Variants in IGFBP3 observed in about 807,000 individuals in gnomAD.
The protein encoded by IGFBP3 is insulin like growth factor binding protein 3, also known as insulin-like growth factor-binding protein 3.
A neutral mutation model predicts 28.6 loss-of-function variants in IGFBP3; 9 were observed. The ratio of observed to expected loss-of-function variants is 0.31; its 90% CI spans 0.19 to 0.55. The LOEUF is 0.55. IGFBP3 is among the 20% of genes least tolerant of loss of function. The probability of loss-of-function intolerance (pLI) is 0.93; values close to 1 mark genes in which losing one functional copy is unlikely to be tolerated. For missense variants in IGFBP3, 382 were observed against 428.9 expected, an observed-to-expected ratio of 0.89 and a Z score of 0.97; for synonymous variants, 185 against 188.2, an observed-to-expected ratio of 0.98 and a Z score of 0.14.
Position 45,913,170 on chromosome 7 carries a change from A to G in IGFBP3, c.*680T>C, listed in dbSNP as rs1172067406. The G allele has an allele frequency of 1.3e-5, 2 of 152,128 alleles. No homozygotes were observed. The highest frequency in any genetic ancestry group is 2.9e-5 in the Non-Finnish European group (2 of 68,034). The allele number at this position is 152,128 out of a possible 1,614,324, so 9.4% of individuals were successfully genotyped here. On this transcript the variant is annotated 3_prime_UTR_variant, in exon 5 of 5. Coordinates refer to ENST00000613132, the MANE Select transcript of IGFBP3 (RefSeq NM_000598.5). Reference sequence around the variant, plus strand: ...GTCTTCAGGAAGATTCCTGAAGAGGAGGGCCCGAAATACCTGCCTTTATAG... The same window carrying G: ...GTCTTCAGGAAGATTCCTGAAGAGGGGGGCCCGAAATACCTGCCTTTATAG...
At position 45,920,729 on chromosome 7, in the gene IGFBP3, G is replaced by A; in HGVS notation, c.403+9C>T. The A allele has an allele frequency of 7.2e-7, 1 of 1,394,404 alleles. No homozygotes were observed. The highest frequency in any genetic ancestry group is 3.1e-5 in the East Asian group (1 of 32,616). 86.4% of individuals were successfully genotyped at this position (1,394,404 alleles called of 1,614,324 possible). A position where few individuals can be genotyped will look rare whatever the true frequency, so the allele number is the denominator to read the frequency against. ...GCTGCACGCAGCGCACCTGGCGCGGGCGGCTCACCTGGAGCTGGCGGCGCT... is the reference window on the plus strand; with the variant it reads ...GCTGCACGCAGCGCACCTGGCGCGGACGGCTCACCTGGAGCTGGCGGCGCT... On this transcript the variant is annotated intron_variant, in intron 1 of 4. Transcript: ENST00000613132.
In IGFBP3 at chr7:45,912,366, A is replaced by T. The variant is rs1227963293; in HGVS notation, c.*1484T>A. ...AGGGAAAGATATTTTTTTAATGGTAAAAACTTTATTTACTATTTATAAATA... is the reference window on the plus strand; with the variant it reads ...AGGGAAAGATATTTTTTTAATGGTATAAACTTTATTTACTATTTATAAATA... On this transcript the variant is annotated 3_prime_UTR_variant, in exon 5 of 5. Coordinates refer to ENST00000613132, the MANE Select transcript of IGFBP3 (RefSeq NM_000598.5). 1 of 152,018 alleles carries T rather than the reference A, an allele frequency of 6.6e-6. No homozygotes were observed. The highest frequency in any genetic ancestry group is 2.4e-5 in the African/African-American group (1 of 41,446). The allele number at this position is 152,018 out of a possible 1,614,324, so 9.4% of individuals were successfully genotyped here. A position where few individuals can be genotyped will look rare whatever the true frequency, so the allele number is the denominator to read the frequency against.
At chr7:45,919,677 T>A (rs1784658094) in intron 1 of IGFBP3, among the ~76,000 whole-genome samples, 1 of 152,226 alleles carries the variant, frequency 6.6e-6, no homozygotes, top group South Asian at 2.1e-4. Flanking sequence ...TCTCCCAGCC[T>A]TCAGCTGTGC....
Position 45,912,993 on chromosome 7 carries a change from G to A in IGFBP3, c.*857C>T, listed in dbSNP as rs904248754. Reference sequence around the variant, plus strand: ...GAAATAAGCTTCGTCTTGAGTTGTTGAACTACAAAACACTATTTTCTGCAG... The same window carrying A: ...GAAATAAGCTTCGTCTTGAGTTGTTAAACTACAAAACACTATTTTCTGCAG... On this transcript the variant is annotated 3_prime_UTR_variant, in exon 5 of 5. Coordinates refer to ENST00000613132, the MANE Select transcript of IGFBP3 (RefSeq NM_000598.5). 39 of 152,244 alleles carry A rather than the reference G, an allele frequency of 2.6e-4. No homozygotes were observed. The highest frequency in any genetic ancestry group is 8.2e-4 in the African/African-American group (34 of 41,536). The allele number at this position is 152,244 out of a possible 1,614,324, so 9.4% of individuals were successfully genotyped here.
rs1224915418 is a variant in IGFBP3, at chr7:45,913,300, A to C, written c.*550T>G. 6.6e-6 allele frequency: 1 copy of C among 152,254 alleles called. No homozygotes were observed. Among genetic ancestry groups the C allele is most frequent in the Non-Finnish European group, 1.5e-5 (1 of 68,060 alleles). 9.4% of individuals were successfully genotyped at this position (152,254 alleles called of 1,614,324 possible). ...CCCAAGCAGTACAGGTCACTTGAAG[A>C]CATAAACATTCTTCTTGGTTGAGGG... On this transcript the variant is annotated 3_prime_UTR_variant, in exon 5 of 5. Transcript: ENST00000613132.
At position 45,916,667 on chromosome 7, in the gene IGFBP3, C is replaced by T. The variant is rs762667171; in HGVS notation, c.631G>A (p.Gly211Ser). 4 of 1,611,872 alleles carry T rather than the reference C, an allele frequency of 2.5e-6. No homozygotes were observed. In the Admixed American group the frequency reaches 6.7e-5, roughly 27 times the overall value. Residue 211 changes from glycine (G) to serine (S), a missense_variant and splice_region_variant, in exon 3 of 5, where the codon GGT becomes AGT. Gly to Ser is a moderately conservative substitution (Grantham distance 56, BLOSUM62 0). Transcript: ENST00000613132. ...SSESKRETEY[G>S]PCRREMEDTL... is the part of the protein sequence containing the mutation. Reference sequence around the variant, plus strand: ...TCTTCCATTTCTCTACGGCAGGGACCCTGGGGATCAGGAAGGACCAGAGCA... The same window carrying T: ...TCTTCCATTTCTCTACGGCAGGGACTCTGGGGATCAGGAAGGACCAGAGCA...
chr7:45,916,895 T>C (rs908206336), intron 2 of IGFBP3: 4 of 560,672 alleles, frequency 7.1e-6, no homozygotes, highest in African/African-American at 1.9e-5. Flanking sequence ...ATGGAACCAA[T>C]AGCAGGTCAA....
chr7:45,916,760 A>T, intron 2 of IGFBP3, 93 bp from the exon 3 acceptor site: 2 of 1,405,352 alleles, frequency 1.4e-6, no homozygotes, highest in South Asian at 2.5e-5. Flanking sequence ...AACTACCAAA[A>T]GTGGGACCTG....
intron 2 of IGFBP3, 99 bp downstream of exon 2, chr7:45,917,114 C>T (rs1167208044): frequency 4.0e-5 from 38 of 951,966 alleles, no homozygotes; most frequent in Non-Finnish European, 5.5e-5. Context: ...ATCAGCCAGG[C>T]GCTGGGGTTT....
chr7:45,920,758 A>G lies in IGFBP3; in HGVS notation c.383T>C (p.Leu128Pro), dbSNP rs1784675143. 1.4e-6 allele frequency: 2 copies of G among 1,421,408 alleles called. No individual in the cohort carries two copies. The highest frequency in any genetic ancestry group is 3.0e-5 in the African/African-American group (2 of 66,582). 88.0% of individuals were successfully genotyped at this position (1,421,408 alleles called of 1,614,324 possible). A position where few individuals can be genotyped will look rare whatever the true frequency, so the allele number is the denominator to read the frequency against. ...SAVSRLRAYL[L>P]PAPPAPGNAS... Reference sequence around the variant, plus strand: ...CTCACCTGGAGCTGGCGGCGCTGGCAGCAGGTAGGCGCGCAGGCGGCTGAC... The same window carrying G: ...CTCACCTGGAGCTGGCGGCGCTGGCGGCAGGTAGGCGCGCAGGCGGCTGAC... Residue 128 changes from leucine (L) to proline (P), a missense_variant, in exon 1 of 5, where the codon CTG (leucine) becomes CCG (proline). Physicochemically the swap from Leu to Pro is moderately conservative, Grantham distance 98 (BLOSUM62 -3). Coordinates refer to ENST00000613132, the MANE Select transcript of IGFBP3 (RefSeq NM_000598.5).
At position 45,920,931 on chromosome 7, in the gene IGFBP3, G is replaced by A. The variant is rs1327278317; in HGVS notation, c.210C>T (p.Cys70=). ...GGCCCTCGCTCAGTGCGCACGTCAG[G>A]CAGCAGCCGCAGCCCGGCTCGCGCA... The part of the protein sequence containing the change: ...ELVREPGCGC[C]LTCALSEGQP... Residue 70 remains cysteine (C), a synonymous_variant, in exon 1 of 5, where the codon TGC becomes TGT. Transcript: ENST00000613132. 8 of 1,405,632 alleles carry A rather than the reference G, an allele frequency of 5.7e-6. No homozygotes were observed. The highest frequency in any genetic ancestry group is 2.5e-4 in the Middle Eastern group (1 of 3,940). The allele number at this position is 1,405,632 out of a possible 1,614,324, so 87.1% of individuals were successfully genotyped here.
rs1459542204 is a variant in IGFBP3 at position 45,920,967 on chromosome 7, G to A, written c.174C>T (p.Cys58=). 3.7e-6 allele frequency: 5 copies of A among 1,354,436 alleles called. No homozygotes were observed. The East Asian group carries it at 9.4e-5, about 26-fold the overall frequency. 83.9% of individuals were successfully genotyped at this position (1,354,436 alleles called of 1,614,324 possible). A position where few individuals can be genotyped will look rare whatever the true frequency, so the allele number is the denominator to read the frequency against. ...AGCCCGGCTCGCGCACCAGCTCCGC[G>A]CACACGGCGGGCGGAGGCGCGCACT... The part of the protein sequence containing the change: ...LAQCAPPPAV[C]AELVREPGCG... The change falls in exon 1 of 5, where the codon TGC becomes TGT. Residue 58 remains cysteine (C), a synonymous_variant. Transcript: ENST00000613132.
chr7:45,914,739 G>T, intron 4 of IGFBP3, 66 bp downstream of exon 4: 1 of 1,523,064 alleles, frequency 6.6e-7, no homozygotes, highest in Non-Finnish European at 9.0e-7. Context: ...GCCACGCCCA[G>T]CCCCTGAGGC....
chr7:45,914,685 T>C (rs1784585062), intron 4 of IGFBP3, 120 bp downstream of exon 4: 2 of 948,720 alleles, frequency 2.1e-6, no homozygotes, highest in Non-Finnish European at 1.6e-6. Flanking sequence ...TTTCTGGCCC[T>C]GAGCTGCAGC....
Position 45,920,999 on chromosome 7 carries a change from G to T in IGFBP3, c.142C>A (p.Leu48Met). The change falls in exon 1 of 5, where the codon CTG (leucine) becomes ATG (methionine). Residue 48 changes from leucine to methionine, a missense_variant. Leu to Met is a conservative substitution (Grantham distance 15). Transcript: ENST00000613132. ...GCGGGCGGAGGCGCGCACTGGGCCA[G>T]TGCACGCGCGTCGCACGGCTCGCAG... Reference protein sequence around the residue: ...VRCEPCDARALAQCAPPPAVC... With the variant: ...VRCEPCDARAMAQCAPPPAVC... The T allele has an allele frequency of 7.2e-7, 1 of 1,387,016 alleles. No individual in the cohort carries two copies. The highest frequency in any genetic ancestry group is 9.3e-7 in the Non-Finnish European group (1 of 1,079,606). The allele number at this position is 1,387,016 out of a possible 1,614,324, so 85.9% of individuals were successfully genotyped here. A position where few individuals can be genotyped will look rare whatever the true frequency, so the allele number is the denominator to read the frequency against.
intron 1 of IGFBP3, among the ~76,000 whole-genome samples, chr7:45,919,087 G>T (rs1363473710): frequency 6.6e-6 from 1 of 152,022 alleles, no homozygotes; most frequent in Non-Finnish European, 1.5e-5. Context: ...AATTTCCTTG[G>T]TTTCTTCTTA....
chr7:45,918,024 A>T (rs891351047), intron 1 of IGFBP3, among the ~76,000 whole-genome samples: 2 of 152,242 alleles, frequency 1.3e-5, no homozygotes, highest in Admixed American at 1.3e-4. Context: ...TCCAGCTCAG[A>T]TGGGAAAACT....
At chr7:45,916,461 T>C (rs1784609642) in intron 3 of IGFBP3, 87 bp downstream of exon 3, 4 of 1,387,582 alleles carry the variant, frequency 2.9e-6, no homozygotes, top group Non-Finnish European at 3.0e-6. Flanking sequence ...GTTAGAGCTA[T>C]GGCCAGAAGA....
rs1444186739 is a variant in IGFBP3 at position 45,917,388 on chromosome 7, G to T, written c.455C>A (p.Pro152Gln). ...CACCCGGTGCGTGCTGGAGACGGACGGGCTCTCCACACTGCCGGCGCTGCG... is the reference window on the plus strand; with the variant it reads ...CACCCGGTGCGTGCTGGAGACGGACTGGCTCTCCACACTGCCGGCGCTGCG... ...EDRSAGSVESPSVSSTHRVSD... is the reference protein window; with the variant it reads ...EDRSAGSVESQSVSSTHRVSD... The change falls in exon 2 of 5, where the codon CCG (proline) becomes CAG (glutamine). Residue 152 changes from proline to glutamine, a missense_variant. By Grantham distance (76) the Pro-to-Gln change is moderately conservative. Transcript: ENST00000613132. 1.2e-6 allele frequency: 2 copies of T among 1,613,740 alleles called. No individual in the cohort carries two copies. Among genetic ancestry groups the T allele is most frequent in the Admixed American group, 1.7e-5 (1 of 59,986 alleles).
Sources: gnomAD v4.1 joint callset for allele counts (sites outside exome capture counted in the v4.1 genomes callset) on GRCh38, gnomAD v4.1.1 for gene constraint, MANE v1.5 for transcripts, NCBI Gene and HGNC (gene_info 2026-07-23, HGNC 2026-07-21) for gene names.